Variants in AFF1 observed in about 807,000 individuals in gnomAD.
The protein encoded by AFF1 is AF4/FMR2 family member 1.
A neutral mutation model predicts 121.7 loss-of-function variants in AFF1; 48 were observed. The ratio of observed to expected loss-of-function variants is 0.39; its 90% CI spans 0.31 to 0.50. The LOEUF is 0.50. Ranked by LOEUF, AFF1 falls within the 20% of genes least tolerant of loss-of-function variation. AFF1 has a pLI of 0.76. For synonymous variants in AFF1, 613 were observed against 563.0 expected, an observed-to-expected ratio of 1.09 and a Z score of -1.26; for missense variants, 1,523 against 1,511.7, an observed-to-expected ratio of 1.01 and a Z score of -0.12.
intron 1 of AFF1, 60 bp from the exon 2 acceptor site, chr4:86,948,438 C>G (rs1721024278): frequency 4.4e-6 from 5 of 1,141,290 alleles, no homozygotes; most frequent in Non-Finnish European, 6.3e-6. Flanking sequence ...ACAGGTCATG[C>G]GTATCCCTGA....
At position 87,022,614 on chromosome 4, in the gene AFF1, CTG is replaced by C. The variant is rs202130553; in HGVS notation, c.39-23544_39-23543del. Among the ~76,000 whole-genome samples, 182 of 76,332 alleles carry C rather than the reference CTG, an allele frequency of 2.4e-3. 4 individuals are homozygous for C. The highest frequency in any genetic ancestry group is 5.4e-3 in the South Asian group (10 of 1,838). The allele number at this position is 76,332 out of a possible 152,430, so 50.1% of individuals were successfully genotyped here. ...TATATCTATCTGTGTGTATATATAT[CTG>C]TGTGTGTATATATATGTGCGTGTAT... is the stretch of plus-strand genomic sequence containing the variant. On this transcript the variant is annotated intron_variant, in intron 2 of 20. Coordinates refer to ENST00000395146, the MANE Select transcript of AFF1 (RefSeq NM_001166693.3).
At chr4:86,998,631 T>A (rs1725436507) in intron 2 of AFF1, among the ~76,000 whole-genome samples, 2 of 152,228 alleles carry the variant, frequency 1.3e-5, no homozygotes, top group South Asian at 4.1e-4. Context: ...GTACCTGTTT[T>A]TTTTTCCTTT....
intron 4 of AFF1, among the ~76,000 whole-genome samples, chr4:87,072,746 G>C (rs1190482590): frequency 2.0e-5 from 3 of 152,042 alleles, no homozygotes; most frequent in Non-Finnish European, 4.4e-5. Flanking sequence ...GGCCAGGCTG[G>C]TCACAAACTA....
chr4:87,050,694 T>C (rs1310590125), intron 4 of AFF1, among the ~76,000 whole-genome samples: 1 of 152,226 alleles, frequency 6.6e-6, no homozygotes, highest in African/African-American at 2.4e-5. Flanking sequence ...ACTTGGTTTT[T>C]CTCCGGGAGT....
chr4:87,023,840 TA>T (rs1227310149), intron 2 of AFF1, among the ~76,000 whole-genome samples: 1 of 152,220 alleles, frequency 6.6e-6, no homozygotes, highest in Non-Finnish European at 1.5e-5. Flanking sequence ...CTTTTAGCTT[TA>T]GGGGGTTTTG....
Position 87,131,889 on chromosome 4 carries a change from A to G in AFF1, c.3173+25A>G. 3.3e-6 allele frequency: 5 copies of G among 1,527,590 alleles called. No homozygotes were observed. In the African/African-American group the frequency reaches 5.7e-5, roughly 17 times the overall value. The allele number at this position is 1,527,590 out of a possible 1,614,324, so 94.6% of individuals were successfully genotyped here. A position where few individuals can be genotyped will look rare whatever the true frequency, so the allele number is the denominator to read the frequency against. On this transcript the variant is annotated intron_variant, in intron 18 of 20. Coordinates refer to ENST00000395146, the MANE Select transcript of AFF1 (RefSeq NM_001166693.3). ...GGTGCGTATTTTCCTTTGTCTAAAT[A>G]GTACTAAATTTGTTTTTGCATCTGT...
At chr4:87,126,926 T>A (rs1728304520) in intron 14 of AFF1, 100 bp from the exon 15 acceptor site, 3 of 1,023,060 alleles carry the variant, frequency 2.9e-6, no homozygotes. Flanking sequence ...TTTACTCTTT[T>A]TTGAAACTAC....
chr4:87,123,347 T>G (rs1727907279), intron 12 of AFF1, among the ~76,000 whole-genome samples: 1 of 152,236 alleles, frequency 6.6e-6, no homozygotes, highest in South Asian at 2.1e-4. Flanking sequence ...CTAACACCAT[T>G]CAAGTTCAGG....
In AFF1 at chr4:87,060,829, CTG is replaced by C. The variant is rs535725745; in HGVS notation, c.1059+13237_1059+13238del. Among the ~76,000 whole-genome samples the C allele has an allele frequency of 1.5e-4, 15 of 101,430 alleles. No homozygotes were observed. In the South Asian group the frequency reaches 4.4e-3, roughly 30 times the overall value. 66.5% of individuals were successfully genotyped at this position (101,430 alleles called of 152,430 possible). A position where few individuals can be genotyped will look rare whatever the true frequency, so the allele number is the denominator to read the frequency against. ...ACTCCAGCCTGGCGAGAGTGAGACT[CTG>C]TCTCAAAAAAAAAAAAAAAAAAAAA... On this transcript the variant is annotated intron_variant, in intron 4 of 20. Transcript: ENST00000395146.
At chr4:86,945,496 A>AG (rs1720792485) in intron 1 of AFF1, among the ~76,000 whole-genome samples, 1 of 83,020 alleles carries the variant, frequency 1.2e-5, no homozygotes, top group South Asian at 4.0e-4. Context: ...AGCCTTTCCC[A>AG]ATTTTTTTTT....
At chr4:87,019,584 C>T (rs959950220) in intron 2 of AFF1, among the ~76,000 whole-genome samples, 8 of 152,130 alleles carry the variant, frequency 5.3e-5, no homozygotes, top group Non-Finnish European at 1.0e-4. Flanking sequence ...ATAAAAGGCC[C>T]AAGAGGACTG....
intron 2 of AFF1, among the ~76,000 whole-genome samples, chr4:86,981,361 T>C (rs980802945): frequency 2.0e-5 from 3 of 152,000 alleles, no homozygotes; most frequent in African/African-American, 4.8e-5. Context: ...TCAGTTATTA[T>C]GGTTTATTTA....
chr4:86,943,319 CA>C (rs1720601256), intron 1 of AFF1, among the ~76,000 whole-genome samples: 1 of 152,120 alleles, frequency 6.6e-6, no homozygotes, highest in African/African-American at 2.4e-5. Flanking sequence ...TGATCTCTCC[CA>C]GGGGTAGATC....
rs771520152 is a variant in AFF1, at chr4:87,131,208, A to G, written c.3090A>G (p.Val1030=). 2.5e-6 allele frequency: 4 copies of G among 1,614,028 alleles called. No individual in the cohort carries two copies. In the South Asian group the frequency reaches 3.3e-5, roughly 13 times the overall value. ...KSAYSVYSET[V]DLIKFIMSLK... ...CTTACTCTGTCTACTCAGAAACTGT[A>G]GATCTCATTAAGTAAGTGCCGAGTC... is the stretch of plus-strand genomic sequence containing the variant. Residue 1030 remains valine, a synonymous_variant, in exon 17 of 21, where the codon GTA becomes GTG. Transcript: ENST00000395146.
intron 4 of AFF1, among the ~76,000 whole-genome samples, chr4:87,058,841 C>G (rs762002559): frequency 6.6e-6 from 1 of 152,184 alleles, no homozygotes; most frequent in Non-Finnish European, 1.5e-5. Flanking sequence ...GCAGCCTGCT[C>G]TGTGCCTTCA....
At chr4:87,022,668 G>GTATATATATAGCTGTGTA (rs1560547771) in intron 2 of AFF1, among the ~76,000 whole-genome samples, 1 of 144,208 alleles carries the variant, frequency 6.9e-6, no homozygotes, top group African/African-American at 2.6e-5. Context: ...ATATGTGTGT[G>GTATATATATAGCTGTGTA]TATATATATG....
rs1002779809 is a variant in AFF1, at chr4:87,136,736, A to T, written c.*1035A>T. On this transcript the variant is annotated 3_prime_UTR_variant, in exon 21 of 21. Coordinates refer to ENST00000395146, the MANE Select transcript of AFF1 (RefSeq NM_001166693.3). Reference sequence around the variant, plus strand: ...TGTCCAGCCAACTCAGAGTTTCGTCAGTGAACAAGAAACATGAAATCTGCT... The same window carrying T: ...TGTCCAGCCAACTCAGAGTTTCGTCTGTGAACAAGAAACATGAAATCTGCT... 4.4e-6 allele frequency: 1 copy of T among 228,226 alleles called. No homozygotes were observed. Among genetic ancestry groups the T allele is most frequent in the Non-Finnish European group, 8.7e-6 (1 of 115,004 alleles). 14.1% of individuals were successfully genotyped at this position (228,226 alleles called of 1,614,324 possible). A position where few individuals can be genotyped will look rare whatever the true frequency, so the allele number is the denominator to read the frequency against.
At chr4:87,020,141 T>G (rs1727751635) in intron 2 of AFF1, among the ~76,000 whole-genome samples, 2 of 152,242 alleles carry the variant, frequency 1.3e-5, no homozygotes, top group Admixed American at 6.5e-5. Flanking sequence ...GTTTTTGTCC[T>G]TTGTGTATCA....
chr4:87,101,250 A>G (rs1725403864), intron 8 of AFF1, among the ~76,000 whole-genome samples: 2 of 152,164 alleles, frequency 1.3e-5, no homozygotes, highest in Admixed American at 6.5e-5. Context: ...TCTGGCATAC[A>G]TCAAGAAAGG....
Sources: gnomAD v4.1 joint callset for allele counts (sites outside exome capture counted in the v4.1 genomes callset) on GRCh38, gnomAD v4.1.1 for gene constraint, MANE v1.5 for transcripts, NCBI Gene and HGNC (gene_info 2026-07-23, HGNC 2026-07-21) for gene names.